DNAH6: variants seen among roughly 807,000 people sequenced by gnomAD.
The protein encoded by DNAH6 is dynein axonemal heavy chain 6.
Under a neutral mutation model 491.4 loss-of-function variants are expected in DNAH6, and 340 were observed. The observed-to-expected ratio is 0.69, with a 90% CI of 0.63 to 0.76. The LOEUF (loss-of-function observed/expected upper bound fraction) is 0.76. Among genes scored for constraint, DNAH6 ranks in the 30% least tolerant of loss-of-function variants. The pLI is 0.00. For synonymous variants in DNAH6, 1,603 were observed against 1,686.1 expected (o/e 0.95, Z 1.21); for missense variants, 4,443 against 4,972.2 (o/e 0.89, Z 3.20).
intron 35 of DNAH6, among the ~76,000 whole-genome samples, chr2:84,655,916 G>A (rs931468000): frequency 2.6e-5 from 4 of 152,078 alleles, no homozygotes; most frequent in Admixed American, 6.6e-5. Context: ...AGGCAGAATA[G>A]TTTCATTGCT....
chr2:84,648,423 C>A (rs1206983420), intron 33 of DNAH6, among the ~76,000 whole-genome samples: 1 of 152,114 alleles, frequency 6.6e-6, no homozygotes, highest in East Asian at 1.9e-4. Context: ...TCTAATGGAT[C>A]CAGGCAAAGT....
chr2:84,642,888 A>G (rs1016957773), intron 33 of DNAH6, among the ~76,000 whole-genome samples: 1 of 152,162 alleles, frequency 6.6e-6, no homozygotes, highest in African/African-American at 2.4e-5. Flanking sequence ...ACAATTTTGA[A>G]CAAACTGTTG....
intron 65 of DNAH6, among the ~76,000 whole-genome samples, chr2:84,784,403 T>G (rs1243007653): frequency 2.0e-5 from 3 of 152,222 alleles, no homozygotes; most frequent in Non-Finnish European, 2.9e-5. Context: ...TGCCCTCTTT[T>G]TCAACTGAAA....
Position 84,587,919 on chromosome 2 carries a change from G to T in DNAH6, c.2482-907G>T, listed in dbSNP as rs1311163062. Among the ~76,000 whole-genome samples, 4 of 152,134 alleles carry T rather than the reference G, an allele frequency of 2.6e-5. No individual in the cohort carries two copies. In the East Asian group the frequency reaches 5.8e-4, roughly 22 times the overall value. On this transcript the variant is annotated intron_variant, in intron 15 of 76. Transcript: ENST00000389394. ...TGTCCCAGGTTGCTGTTAACTAAGG[G>T]TCTTTCCTGGTTCTTTAGGCACCAT...
chr2:84,811,065 C>T (rs994377429), intron 72 of DNAH6, among the ~76,000 whole-genome samples: 1 of 152,208 alleles, frequency 6.6e-6, no homozygotes, highest in East Asian at 1.9e-4. Context: ...TTCCTGCACT[C>T]TGCTGCAGAT....
At chr2:84,517,283 A>C (rs1305700264) in intron 1 of DNAH6, among the ~76,000 whole-genome samples, 5 of 152,206 alleles carry the variant, frequency 3.3e-5, no homozygotes. Flanking sequence ...TATGAATCAG[A>C]ACCTTCATTT....
At chr2:84,764,180 T>A (rs983820743) in intron 64 of DNAH6, among the ~76,000 whole-genome samples, 1 of 152,178 alleles carries the variant, frequency 6.6e-6, no homozygotes, top group Non-Finnish European at 1.5e-5. Context: ...CTCAGACAAG[T>A]TGACACACAA....
chr2:84,651,511 A>G lies in DNAH6; in HGVS notation c.5079-1808A>G, dbSNP rs531231659. Among the ~76,000 whole-genome samples the G allele has an allele frequency of 5.3e-5, 8 of 152,242 alleles. 1 individual carries two copies. The South Asian group carries it at 1.7e-3, about 32-fold the overall frequency. On this transcript the variant is annotated intron_variant, in intron 33 of 76. Transcript: ENST00000389394. ...GGTTAGAGTAGAGCAGTTATTGCCT[A>G]AAAGTTTTCTGTCTTGCTGGGCTGC... is the stretch of plus-strand genomic sequence containing the variant.
intron 69 of DNAH6, 75 bp downstream of exon 69, chr2:84,796,500 A>C (rs944746903): frequency 7.7e-7 from 1 of 1,302,328 alleles, no homozygotes; most frequent in Non-Finnish European, 1.0e-6. Context: ...TTTCCCACCC[A>C]GGGGCTGTCT....
rs2104932128 is a variant in DNAH6 at position 84,722,292 on chromosome 2, GA to G, written c.9793-331del. Among the ~76,000 whole-genome samples, 4 of 152,272 alleles carry G rather than the reference GA, an allele frequency of 2.6e-5. 1 individual carries two copies. The East Asian group carries it at 7.7e-4, about 29-fold the overall frequency. ...GTGCTTGCCCTGGACTGCTCACAAAGAAGTTCGGGAGCAATTAGGAGTGCTG... is the reference window on the plus strand; with the variant it reads ...GTGCTTGCCCTGGACTGCTCACAAAGAGTTCGGGAGCAATTAGGAGTGCTG... On this transcript the variant is annotated intron_variant, in intron 59 of 76. Coordinates refer to ENST00000389394, the MANE Select transcript of DNAH6 (RefSeq NM_001370.2).
At chr2:84,581,327 T>G (rs1683000123) in intron 14 of DNAH6, among the ~76,000 whole-genome samples, 1 of 152,176 alleles carries the variant, frequency 6.6e-6, no homozygotes, top group Non-Finnish European at 1.5e-5. Flanking sequence ...TTTAGGGAGA[T>G]TCTCTGCACA....
At chr2:84,777,762 A>G in intron 64 of DNAH6, 1 of 913,234 alleles carries the variant, frequency 1.1e-6, no homozygotes, top group Non-Finnish European at 1.9e-6. Context: ...TCCAGATTGC[A>G]ACCACTTCCA....
At chr2:84,514,939 C>A (rs1675490576), upstream of DNAH6, among the ~76,000 whole-genome samples, 1 of 150,910 alleles carries the variant, frequency 6.6e-6, no homozygotes, top group East Asian at 1.9e-4. Flanking sequence ...CACATGGTAA[C>A]AGTTGTGTAC....
intron 68 of DNAH6, among the ~76,000 whole-genome samples, chr2:84,791,210 A>G (rs546294538): frequency 6.6e-6 from 1 of 151,338 alleles, no homozygotes; most frequent in Admixed American, 6.6e-5. Context: ...AGAAAAAAGA[A>G]AAAAAAAACA....
chr2:84,746,979 C>T (rs986857146), intron 63 of DNAH6, among the ~76,000 whole-genome samples: 1 of 152,174 alleles, frequency 6.6e-6, no homozygotes, highest in African/African-American at 2.4e-5. Flanking sequence ...TCACTCATTT[C>T]TATGGAGAGG....
chr2:84,659,573 A>G (rs1056746594), intron 37 of DNAH6, among the ~76,000 whole-genome samples: 7 of 152,222 alleles, frequency 4.6e-5, no homozygotes, highest in Non-Finnish European at 8.8e-5. Flanking sequence ...TCACTGTTAG[A>G]GAAGGGATTT....
At chr2:84,779,172 G>A (rs1676435441) in intron 64 of DNAH6, among the ~76,000 whole-genome samples, 1 of 152,158 alleles carries the variant, frequency 6.6e-6, no homozygotes, top group Non-Finnish European at 1.5e-5. Flanking sequence ...TTAAGTGTCT[G>A]ATTTATGTCC....
intron 37 of DNAH6, among the ~76,000 whole-genome samples, chr2:84,660,351 C>A (rs1691383928): frequency 6.6e-6 from 1 of 151,998 alleles, no homozygotes; most frequent in South Asian, 2.1e-4. Context: ...AGGATCATAA[C>A]CCTTTTAGTA....
At chr2:84,800,568 G>T (rs146235843) in intron 70 of DNAH6, among the ~76,000 whole-genome samples, 1 of 152,222 alleles carries the variant, frequency 6.6e-6, no homozygotes, top group African/African-American at 2.4e-5. Flanking sequence ...ACCAAACAGA[G>T]CTTCTGAAAT....
Sources: allele counts gnomAD v4.1 joint callset (sites outside exome capture counted in the v4.1 genomes callset), GRCh38; gene constraint gnomAD v4.1.1; transcripts MANE v1.5; gene names NCBI Gene and HGNC (gene_info 2026-07-23, HGNC 2026-07-21).